Variants in PARD3B observed in about 807,000 individuals in gnomAD.
The protein encoded by PARD3B is par-3 family cell polarity regulator beta, also known as partitioning defective 3 homolog B.
In PARD3B, 103 loss-of-function variants were observed where a neutral mutation model predicts 130.2. That is an observed-to-expected ratio of 0.79 (90% CI 0.67 to 0.93). PARD3B has a LOEUF of 0.93. Among genes scored for constraint, PARD3B ranks in the 40% least tolerant of loss-of-function variants. The pLI, the probability that PARD3B is intolerant of heterozygous loss-of-function variation, is 0.00. For synonymous variants in PARD3B, 583 were observed against 553.2 expected, an observed-to-expected ratio of 1.05 and a Z score of -0.76; for missense variants, 1,609 against 1,499.2, an observed-to-expected ratio of 1.07 and a Z score of -1.21.
At position 204,623,157 on chromosome 2, in the gene PARD3B, T is replaced by A. The variant is rs2034362974; in HGVS notation, c.121-63024T>A. Among the ~76,000 whole-genome samples the A allele has an allele frequency of 6.6e-6, 1 of 152,158 alleles. No homozygotes were observed. Among genetic ancestry groups the A allele is most frequent in the South Asian group, 2.1e-4 (1 of 4,828 alleles). ...TTTTTTAAAACTCTTTGTTTTGAAA[T>A]AATTATAGATTCACAGGAAATTTCA... is the stretch of plus-strand genomic sequence containing the variant. On this transcript the variant is annotated intron_variant, in intron 1 of 22. Transcript: ENST00000406610. The surrounding 1 kb of genome is among the most constrained non-coding windows in gnomAD (Gnocchi z 4.5).
In PARD3B at chr2:205,006,273, G is replaced by A. The variant is rs188436101; in HGVS notation, c.394+40950G>A. 3.9e-4 allele frequency among the ~76,000 whole-genome samples: 60 copies of A among 152,240 alleles called. 1 individual carries two copies. Among genetic ancestry groups the A allele is most frequent in the African/African-American group, 1.3e-3 (53 of 41,554 alleles). ...AGTTGCAAATTGTGCTGCTGTAAAC[G>A]TGTGTATATGTGCCTTTTTCATGTA... On this transcript the variant is annotated intron_variant, in intron 3 of 22. Transcript: ENST00000406610.
Position 205,445,777 on chromosome 2 carries a change from T to C in PARD3B, c.3044+5105T>C, listed in dbSNP as rs75653217. 6.0e-3 allele frequency among the ~76,000 whole-genome samples: 909 copies of C among 152,318 alleles called. 8 individuals carry two copies. The highest frequency in any genetic ancestry group is 0.021 in the African/African-American group (872 of 41,564). On this transcript the variant is annotated intron_variant, in intron 20 of 22. Transcript: ENST00000406610. Reference sequence around the variant, plus strand: ...ATAATGGCAGATTAAATCATGGGTATGGGAATGAAGCTGATATGGGTCCAG... The same window carrying C: ...ATAATGGCAGATTAAATCATGGGTACGGGAATGAAGCTGATATGGGTCCAG...
intron 2 of PARD3B, among the ~76,000 whole-genome samples, chr2:204,766,715 A>AT (rs2041165203): frequency 6.6e-6 from 1 of 151,952 alleles, no homozygotes; most frequent in Non-Finnish European, 1.5e-5. Flanking sequence ...CTAAAAAAAA[A>AT]TTTGAGGAAA....
At chr2:205,223,074 A>C (rs1211345416) in intron 15 of PARD3B, among the ~76,000 whole-genome samples, 1 of 152,184 alleles carries the variant, frequency 6.6e-6, no homozygotes, top group East Asian at 1.9e-4. Context: ...TATTCTAGGA[A>C]GTACAGGTCC....
chr2:204,908,563 C>G (rs1220983236), intron 2 of PARD3B, among the ~76,000 whole-genome samples: 2 of 152,144 alleles, frequency 1.3e-5, no homozygotes, highest in African/African-American at 2.4e-5. Context: ...AGTGACTTAG[C>G]ATTTGCTTAA....
intron 2 of PARD3B, among the ~76,000 whole-genome samples, chr2:204,747,268 G>A (rs1574879898): frequency 1.3e-5 from 2 of 152,076 alleles, no homozygotes; most frequent in East Asian, 1.9e-4. Context: ...TGTCAGGTTT[G>A]TCAAAGATCA....
intron 21 of PARD3B, among the ~76,000 whole-genome samples, chr2:205,516,380 C>T (rs983849598): frequency 6.6e-6 from 1 of 152,134 alleles, no homozygotes; most frequent in African/African-American, 2.4e-5. Context: ...ACTGATTCTT[C>T]CTATTCATGA....
At chr2:205,438,543 A>G (rs2047598874) in intron 19 of PARD3B, among the ~76,000 whole-genome samples, 1 of 152,320 alleles carries the variant, frequency 6.6e-6, no homozygotes, top group South Asian at 2.1e-4. Flanking sequence ...ATCCATCCCT[A>G]TCATCAGGGT....
intron 2 of PARD3B, among the ~76,000 whole-genome samples, chr2:204,824,830 G>A (rs879415823): frequency 2.0e-5 from 3 of 152,152 alleles, no homozygotes; most frequent in Admixed American, 2.0e-4. Flanking sequence ...TGAGCTTATA[G>A]AAATAAATGA....
At chr2:205,469,819 A>G (rs1019745788) in intron 20 of PARD3B, among the ~76,000 whole-genome samples, 2 of 152,220 alleles carry the variant, frequency 1.3e-5, no homozygotes, top group African/African-American at 4.8e-5. Context: ...CCCATTTTAA[A>G]AAGCTTGACC....
intron 20 of PARD3B, among the ~76,000 whole-genome samples, chr2:205,449,637 G>A (rs575437523): frequency 6.6e-6 from 1 of 152,128 alleles, no homozygotes; most frequent in Non-Finnish European, 1.5e-5. Context: ...GCACTTAGAG[G>A]CACTTAGTAT....
intron 3 of PARD3B, among the ~76,000 whole-genome samples, chr2:204,981,341 T>A (rs1051768553): frequency 2.6e-5 from 4 of 152,116 alleles, no homozygotes; most frequent in Non-Finnish European, 5.9e-5. Context: ...GGTAAAATAA[T>A]AAACTGTGGT....
intron 1 of PARD3B, among the ~76,000 whole-genome samples, chr2:204,549,420 G>A (rs2030277461): frequency 6.6e-6 from 1 of 152,148 alleles, no homozygotes; most frequent in Non-Finnish European, 1.5e-5. Flanking sequence ...TCAAAATTAT[G>A]TGTCACAGGT....
intron 2 of PARD3B, among the ~76,000 whole-genome samples, chr2:204,800,314 A>G (rs771739621): frequency 4.1e-4 from 63 of 152,294 alleles, no homozygotes; most frequent in African/African-American, 1.4e-3. Flanking sequence ...TAAAGACAGG[A>G]TATTTAAAAA....
intron 1 of PARD3B, among the ~76,000 whole-genome samples, chr2:204,607,814 T>C (rs2033782023): frequency 6.6e-6 from 1 of 152,120 alleles, no homozygotes; most frequent in African/African-American, 2.4e-5. Context: ...TGTAAATAGG[T>C]TGCTTAGAGT....
At chr2:204,650,013 C>T (rs761845157) in intron 1 of PARD3B, among the ~76,000 whole-genome samples, 37 of 152,076 alleles carry the variant, frequency 2.4e-4, no homozygotes, top group Middle Eastern at 3.2e-3. Context: ...GAAAACTATG[C>T]ATCTGACAAA....
intron 22 of PARD3B, among the ~76,000 whole-genome samples, chr2:205,598,689 A>G (rs1012835788): frequency 6.6e-6 from 1 of 152,202 alleles, no homozygotes; most frequent in Non-Finnish European, 1.5e-5. Context: ...CACAGGGAAC[A>G]TACCTAAGAT....
rs199713586 is a variant in PARD3B, at chr2:205,421,145, C to A, written c.2742-19225C>A. Among the ~76,000 whole-genome samples the A allele has an allele frequency of 2.5e-3, 374 of 150,294 alleles. 8 individuals carry two copies. The highest frequency in any genetic ancestry group is 8.9e-3 in the African/African-American group (358 of 40,446). ...ACTCCATCTCAAAAAACAAAAAAAA[C>A]AAAACAAAAAAAACGGAAAAGAAAA... is the stretch of plus-strand genomic sequence containing the variant. On this transcript the variant is annotated intron_variant, in intron 19 of 22. Transcript: ENST00000406610. The surrounding 1 kb of genome is among the most constrained non-coding windows in gnomAD (Gnocchi z 5.1).
intron 1 of PARD3B, among the ~76,000 whole-genome samples, chr2:204,680,313 C>G (rs536768236): frequency 6.6e-6 from 1 of 151,750 alleles, no homozygotes; most frequent in Non-Finnish European, 1.5e-5. Context: ...TTGTATTTTT[C>G]GAAGAATTCG....
Sources: gnomAD v4.1 joint callset for allele counts (sites outside exome capture counted in the v4.1 genomes callset) on GRCh38, gnomAD v4.1.1 for gene constraint, Gnocchi (gnomAD v3.1) non-coding constraint, MANE v1.5 for transcripts, NCBI Gene and HGNC (gene_info 2026-07-23, HGNC 2026-07-21) for gene names.